The following GRM1 variants were observed in gnomAD, a reference collection of about 807,000 sequenced individuals.
The protein encoded by GRM1 is glutamate metabotropic receptor 1, also known as metabotropic glutamate receptor 1.
GRM1 carries 33 observed loss-of-function variants against 90.9 expected under a neutral mutation model. The ratio of observed to expected loss-of-function variants is 0.36; its 90% CI spans 0.28 to 0.49. The LOEUF (loss-of-function observed/expected upper bound fraction) is 0.49, where lower values mean the gene tolerates loss of function less well. Ranked by LOEUF, GRM1 falls within the 20% of genes least tolerant of loss-of-function variation. The pLI, the probability that GRM1 is intolerant of heterozygous loss-of-function variation, is 0.99. For missense variants in GRM1, 1,190 were observed against 1,534.3 expected, an observed-to-expected ratio of 0.78 and a Z score of 3.75; for synonymous variants, 700 against 613.2, an observed-to-expected ratio of 1.14 and a Z score of -2.09.
At position 146,373,375 on chromosome 6, in the gene GRM1, G is replaced by A. The variant is rs565452021; in HGVS notation, c.1603-13515G>A. ...GGCAGAAGGTGAAGTGGAAGCAGGC[G>A]CACCTGAACATGGCTGGCAGAAAAG... On this transcript the variant is annotated intron_variant, in intron 5 of 7. Transcript: ENST00000282753. Among the ~76,000 whole-genome samples the A allele has an allele frequency of 7.2e-5, 11 of 152,232 alleles. No homozygotes were observed. In the East Asian group the frequency reaches 1.4e-3, roughly 19 times the overall value.
At chr6:146,278,527 G>C (rs1184369349) in intron 2 of GRM1, among the ~76,000 whole-genome samples, 1 of 152,166 alleles carries the variant, frequency 6.6e-6, no homozygotes, top group Non-Finnish European at 1.5e-5. Context: ...TGTAAACCCA[G>C]CATTTTGGGA....
intron 1 of GRM1, among the ~76,000 whole-genome samples, chr6:146,103,911 A>G (rs1434540921): frequency 1.3e-5 from 2 of 152,154 alleles, no homozygotes; most frequent in Non-Finnish European, 2.9e-5. Flanking sequence ...TGAGGGGGCA[A>G]TTAAAATTGC....
In GRM1 at chr6:146,153,438, T is replaced by C. The variant is rs150068211; in HGVS notation, c.701-5910T>C. Among the ~76,000 whole-genome samples, 486 of 152,362 alleles carry C rather than the reference T, an allele frequency of 3.2e-3. 4 individuals carry two copies. Among genetic ancestry groups the C allele is most frequent in the African/African-American group, 0.011 (455 of 41,590 alleles). ...TAAAGATTGATAAAAGGACAAGTTC[T>C]TTCTACATTAGTGCTGCACTCATGG... On this transcript the variant is annotated intron_variant, in intron 1 of 7. Transcript: ENST00000282753.
intron 4 of GRM1, among the ~76,000 whole-genome samples, chr6:146,355,797 A>G (rs1047939417): frequency 1.3e-5 from 2 of 152,188 alleles, no homozygotes; most frequent in South Asian, 4.1e-4. Flanking sequence ...TTTAGAGAGA[A>G]AGAATTGCAG....
At chr6:146,402,906 A>G (rs1777208677) in intron 7 of GRM1, among the ~76,000 whole-genome samples, 1 of 152,162 alleles carries the variant, frequency 6.6e-6, no homozygotes, top group Non-Finnish European at 1.5e-5. Context: ...TTTAATCAAT[A>G]TACTGGGTGT....
At chr6:146,384,509 G>T (rs1282843335) in intron 5 of GRM1, among the ~76,000 whole-genome samples, 1 of 152,086 alleles carries the variant, frequency 6.6e-6, no homozygotes, top group Non-Finnish European at 1.5e-5. Flanking sequence ...GCTGTAAGTT[G>T]CTTAACTGCA....
intron 2 of GRM1, among the ~76,000 whole-genome samples, chr6:146,226,686 A>G (rs1360635186): frequency 2.0e-5 from 3 of 152,140 alleles, no homozygotes; most frequent in African/African-American, 7.2e-5. Context: ...TTGCTCTACA[A>G]TTGATCGGTA....
chr6:146,333,335 T>C (rs1583340206), intron 3 of GRM1, among the ~76,000 whole-genome samples: 1 of 152,150 alleles, frequency 6.6e-6, no homozygotes, highest in Non-Finnish European at 1.5e-5. Flanking sequence ...GACAAAAGCC[T>C]ACATCCTCAG....
chr6:146,028,912 C>T (rs536319739), upstream of GRM1, among the ~76,000 whole-genome samples: 23 of 152,272 alleles, frequency 1.5e-4, no homozygotes, highest in South Asian at 4.8e-3. Flanking sequence ...CACCGCCCTC[C>T]AAGTTAGAAA....
intron 7 of GRM1, among the ~76,000 whole-genome samples, chr6:146,420,199 T>C (rs1055842220): frequency 1.3e-5 from 2 of 152,200 alleles, no homozygotes; most frequent in South Asian, 2.1e-4. Flanking sequence ...AAAAACACTT[T>C]TGTAATCATG....
intron 1 of GRM1, among the ~76,000 whole-genome samples, chr6:146,141,537 G>T (rs1302128314): frequency 1.3e-5 from 2 of 151,904 alleles, no homozygotes; most frequent in African/African-American, 2.4e-5. Flanking sequence ...GTCTTTTTGA[G>T]ACTATATTCT....
In GRM1 at chr6:146,029,630, T is replaced by C. The variant is rs374907798; in HGVS notation, c.113T>C (p.Val38Ala). Residue 38 changes from valine to alanine, a missense_variant, in exon 1 of 8, where the codon GTG becomes GCG. Physicochemically the swap from Val to Ala is moderately conservative, Grantham distance 64. Around this residue, in one of 10 missense-constraint regions of GRM1, gnomAD observed 25 missense variants for 65.9 expected, o/e 0.38. Transcript: ENST00000282753. ...LLAGASSQRSVARMDGDVIIG... is the reference protein window; with the variant it reads ...LLAGASSQRSAARMDGDVIIG... ...GCAGGAGCGTCGTCTCAGCGCTCGGTGGCCAGAATGGACGGAGATGTCATC... is the reference window on the plus strand; with the variant it reads ...GCAGGAGCGTCGTCTCAGCGCTCGGCGGCCAGAATGGACGGAGATGTCATC... The C allele has an allele frequency of 3.7e-6, 6 of 1,613,970 alleles. No homozygotes were observed. The highest frequency in any genetic ancestry group is 4.2e-6 in the Non-Finnish European group (5 of 1,180,022).
chr6:146,148,634 G>A (rs1341200243), intron 1 of GRM1, among the ~76,000 whole-genome samples: 1 of 152,068 alleles, frequency 6.6e-6, no homozygotes, highest in Non-Finnish European at 1.5e-5. Flanking sequence ...CGTGGAAAAT[G>A]AAATTATTTT....
At chr6:146,167,081 G>A (rs1352225261) in intron 2 of GRM1, among the ~76,000 whole-genome samples, 1 of 152,066 alleles carries the variant, frequency 6.6e-6, no homozygotes, top group Non-Finnish European at 1.5e-5. Flanking sequence ...CCTGGAAACA[G>A]GCAACCACGG....
chr6:146,137,103 T>C (rs541342149), intron 1 of GRM1, among the ~76,000 whole-genome samples: 5 of 152,228 alleles, frequency 3.3e-5, no homozygotes, highest in Non-Finnish European at 7.4e-5. Flanking sequence ...TCCACCCGCC[T>C]TGGCCTCCCA....
intron 2 of GRM1, among the ~76,000 whole-genome samples, chr6:146,278,378 A>G (rs1317042271): frequency 1.3e-5 from 2 of 152,186 alleles, no homozygotes; most frequent in Non-Finnish European, 2.9e-5. Context: ...ATTAGGAATT[A>G]AGTTCATGCT....
chr6:146,041,992 C>A (rs1791128848), intron 1 of GRM1, among the ~76,000 whole-genome samples: 1 of 152,036 alleles, frequency 6.6e-6, no homozygotes, highest in East Asian at 1.9e-4. Context: ...ACTGCATCCT[C>A]CAGAGAAATG....
At chr6:146,101,981 A>T (rs953190717) in intron 1 of GRM1, among the ~76,000 whole-genome samples, 1 of 152,110 alleles carries the variant, frequency 6.6e-6, no homozygotes, top group Non-Finnish European at 1.5e-5. Context: ...ATTATCAAAG[A>T]TGAGATGGCC....
At chr6:146,432,453 G>A (rs530952991) in intron 7 of GRM1, among the ~76,000 whole-genome samples, 27 of 152,088 alleles carry the variant, frequency 1.8e-4, no homozygotes, top group Middle Eastern at 3.4e-3. Context: ...TGAAGTATTC[G>A]TTCTTGTATT....
Sources: gnomAD v4.1 joint callset for allele counts (sites outside exome capture counted in the v4.1 genomes callset) on GRCh38, gnomAD v4.1.1 for gene constraint, gnomAD v4.1.1 regional missense constraint, MANE v1.5 for transcripts, NCBI Gene and HGNC (gene_info 2026-07-23, HGNC 2026-07-21) for gene names.